The following CASQ2 variants were observed in gnomAD, a reference collection of about 807,000 sequenced individuals.
The protein encoded by CASQ2 is calsequestrin-2.
Under a neutral mutation model 46.5 loss-of-function variants are expected in CASQ2, and 49 were observed. The observed-to-expected ratio is 1.05, with a 90% confidence interval of 0.84 to 1.34. CASQ2 has a LOEUF of 1.34. CASQ2 is among the 40% of genes most tolerant of loss of function. CASQ2 has a pLI of 0.00. For missense variants in CASQ2, 486 were observed against 481.3 expected (o/e 1.01, Z -0.09); for synonymous variants, 174 against 168.5 (o/e 1.03, Z -0.25).
At chr1:115,723,869 T>TA (rs1293167651) in intron 7 of CASQ2, among the ~76,000 whole-genome samples, 1 of 152,204 alleles carries the variant, frequency 6.6e-6, no homozygotes, top group Non-Finnish European at 1.5e-5. Flanking sequence ...TTGAAAGGTT[T>TA]AAATGTTAGG....
intron 6 of CASQ2, among the ~76,000 whole-genome samples, chr1:115,725,962 A>G (rs1449039547): frequency 6.6e-6 from 1 of 152,148 alleles, no homozygotes; most frequent in Non-Finnish European, 1.5e-5. Context: ...GTAGGTTAAA[A>G]CTGCCTTTGT....
chr1:115,740,908 G>T, intron 2 of CASQ2, 80 bp from the exon 3 acceptor site: 1 of 924,824 alleles, frequency 1.1e-6, no homozygotes. Flanking sequence ...TCTGGCTGAG[G>T]GTTTCTGGGT....
chr1:115,705,040 T>C (rs1391155565), intron 9 of CASQ2, 152 bp downstream of exon 9: 16 of 692,830 alleles, frequency 2.3e-5, no homozygotes, highest in Admixed American at 1.8e-4. Flanking sequence ...CCAAGTTCAA[T>C]ACTGCCCCAA....
At chr1:115,759,494 C>T (rs1186544405) in intron 1 of CASQ2, among the ~76,000 whole-genome samples, 3 of 152,176 alleles carry the variant, frequency 2.0e-5, no homozygotes, top group Admixed American at 2.0e-4. Context: ...TGAAGCAGCA[C>T]GAGGCCTTCA....
intron 8 of CASQ2, among the ~76,000 whole-genome samples, chr1:115,715,462 G>A (rs1173897511): frequency 6.6e-6 from 1 of 152,172 alleles, no homozygotes; most frequent in Non-Finnish European, 1.5e-5. Context: ...CACACAAAAG[G>A]CTACATATTA....
chr1:115,747,646 T>C (rs1648433358), intron 1 of CASQ2, among the ~76,000 whole-genome samples: 1 of 152,236 alleles, frequency 6.6e-6, no homozygotes, highest in Non-Finnish European at 1.5e-5. Context: ...TTTGGTTTCT[T>C]TCATCAGCAT....
chr1:115,726,970 C>CCCCCCCCCAT, intron 6 of CASQ2, 22 bp downstream of exon 6: 1 of 1,578,828 alleles, frequency 6.3e-7, no homozygotes, highest in Non-Finnish European at 8.7e-7. Flanking sequence ...GGCCCCCAGC[C>CCCCCCCCCAT]CCCACATGCC....
At chr1:115,723,041 C>T (rs564639262) in intron 7 of CASQ2, among the ~76,000 whole-genome samples, 1 of 151,932 alleles carries the variant, frequency 6.6e-6, no homozygotes, top group South Asian at 2.1e-4. Context: ...GAGGGAGAAT[C>T]CGTCTCAAAA....
At chr1:115,745,590 C>T (rs771403462) in intron 1 of CASQ2, among the ~76,000 whole-genome samples, 7 of 152,052 alleles carry the variant, frequency 4.6e-5, no homozygotes, top group African/African-American at 7.2e-5. Context: ...ACAAGATTGG[C>T]ATTATGTTAA....
chr1:115,708,981 A>AG, intron 8 of CASQ2, among the ~76,000 whole-genome samples: 1 of 152,242 alleles, frequency 6.6e-6, no homozygotes, highest in Non-Finnish European at 1.5e-5. Flanking sequence ...TAACTGGGTC[A>AG]GGGAAAGGTT....
At chr1:115,756,014 A>G (rs1258112538) in intron 1 of CASQ2, among the ~76,000 whole-genome samples, 2 of 152,240 alleles carry the variant, frequency 1.3e-5, no homozygotes, top group East Asian at 1.9e-4. Context: ...CACTCCCTTC[A>G]TAAATCAGAG....
At chr1:115,740,969 C>T (rs1047140647) in intron 2 of CASQ2, 141 bp from the exon 3 acceptor site, 5 of 684,666 alleles carry the variant, frequency 7.3e-6, no homozygotes, top group South Asian at 6.3e-5. Context: ...GAAGCAGTTG[C>T]CTTGAAATAA....
chr1:115,764,642 T>G (rs563143527), intron 1 of CASQ2, among the ~76,000 whole-genome samples: 13 of 152,300 alleles, frequency 8.5e-5, no homozygotes, highest in African/African-American at 3.1e-4. Context: ...GCTCTAACAT[T>G]TCATTCATTC....
At chr1:115,716,572 G>A (rs1029250791) in intron 8 of CASQ2, among the ~76,000 whole-genome samples, 1 of 152,144 alleles carries the variant, frequency 6.6e-6, no homozygotes, top group African/African-American at 2.4e-5. Flanking sequence ...CACACACCCT[G>A]TAAAGCTGGT....
In CASQ2 at chr1:115,722,184, C is replaced by T. The variant is rs572363667; in HGVS notation, c.783+3324G>A. On this transcript the variant is annotated intron_variant, in intron 7 of 10. Coordinates refer to ENST00000261448, the MANE Select transcript of CASQ2 (RefSeq NM_001232.4). ...GGTAAGACATGAGGCTGTTCCAGAA[C>T]GGGGAGGGAAGGAATAAACCATTTC... Among the ~76,000 whole-genome samples, 100 of 152,198 alleles carry T rather than the reference C, an allele frequency of 6.6e-4. 3 individuals carry two copies. In the South Asian group the frequency reaches 0.016, roughly 25 times the overall value.
chr1:115,725,695 T>C lies in CASQ2; in HGVS notation c.738-142A>G, dbSNP rs756906492. ...GGCAGGGAGAGCCCTAAAAACCCAC[T>C]TATCTTCTAAGGAAACAGACCTGCT... On this transcript the variant is annotated intron_variant, in intron 6 of 10. Transcript: ENST00000261448. The C allele has an allele frequency of 9.3e-5, 99 of 1,068,668 alleles. 1 individual carries two copies. Among genetic ancestry groups the C allele is most frequent in the Non-Finnish European group, 1.3e-4 (95 of 744,310 alleles). The allele number at this position is 1,068,668 out of a possible 1,614,324, so 66.2% of individuals were successfully genotyped here.
At chr1:115,761,439 AAAGAAGAAGAAGAAGAAGAAGAAGG>A (rs1648938622) in intron 1 of CASQ2, among the ~76,000 whole-genome samples, 4 of 5,538 alleles carry the variant, frequency 7.2e-4, no homozygotes, top group Admixed American at 2.1e-3. Context: ...GAAGAAGAAG[AAAGAAGAAGAAGAAGAAGAAGAAGG>A]AGAAGAAGAA....
At chr1:115,706,867 CTTT>C (rs1654379265) in intron 8 of CASQ2, among the ~76,000 whole-genome samples, 1 of 152,078 alleles carries the variant, frequency 6.6e-6, no homozygotes, top group Non-Finnish European at 1.5e-5. Flanking sequence ...TTCTACACTT[CTTT>C]ATCTCTAATG....
intron 3 of CASQ2, among the ~76,000 whole-genome samples, chr1:115,738,969 A>G (rs990196198): frequency 2.0e-5 from 3 of 150,256 alleles, no homozygotes; most frequent in African/African-American, 7.3e-5. Context: ...AAGTGAGAAC[A>G]TGTTGTATTA....
Sources: allele counts gnomAD v4.1 joint callset (sites outside exome capture counted in the v4.1 genomes callset), GRCh38; gene constraint gnomAD v4.1.1; transcripts MANE v1.5; gene names NCBI Gene and HGNC (gene_info 2026-07-23, HGNC 2026-07-21).